The following CALM2 variants were observed in gnomAD, a reference collection of about 807,000 sequenced individuals.
CALM2 encodes calmodulin 2.
A neutral mutation model predicts 19.8 loss-of-function variants in CALM2; 2 were observed. The ratio of observed to expected loss-of-function variants is 0.10; its 90% confidence interval spans 0.04 to 0.32. CALM2 has a LOEUF of 0.32. Among genes scored for constraint, CALM2 ranks in the 10% least tolerant of loss-of-function variants. The pLI is 1.00. For synonymous variants in CALM2, 51 were observed against 52.1 expected, an observed-to-expected ratio of 0.98 and a Z score of 0.09; for missense variants, 38 against 178.7, an observed-to-expected ratio of 0.21 and a Z score of 4.49.
At chr2:47,160,847 G>GACCAAAAA in intron 5 of CALM2, 43 bp from the exon 6 acceptor site, 1 of 282,410 alleles carries the variant, frequency 3.5e-6, no homozygotes, top group Non-Finnish European at 5.1e-6. Context: ...AATAGCAAAA[G>GACCAAAAA]ACCAAAAAAA....
rs372947059 is a variant in CALM2, at chr2:47,161,720, T to C, written c.421+3A>G. The C allele has an allele frequency of 2.7e-5, 44 of 1,608,144 alleles. No individual in the cohort carries two copies. Among genetic ancestry groups the C allele is most frequent in the Non-Finnish European group, 3.6e-5 (42 of 1,178,310 alleles). On this transcript the variant is annotated splice_donor_region_variant and intron_variant, in intron 5 of 5. Transcript: ENST00000272298. The stretch of plus-strand genomic sequence containing the variant: ...GAATGAGGCGTGAGACTGAAACATT[T>C]ACCTTCATAGTTTACTTGACCATCA...
chr2:47,168,641 A>G (rs1328604556), intron 2 of CALM2, among the ~76,000 whole-genome samples: 2 of 152,188 alleles, frequency 1.3e-5, no homozygotes, highest in Middle Eastern at 3.2e-3. Context: ...ACTGAAGCAG[A>G]ACAGCTTGAA....
chr2:47,167,915 C>T (rs1666540997), intron 2 of CALM2, among the ~76,000 whole-genome samples: 1 of 148,016 alleles, frequency 6.8e-6, no homozygotes, highest in South Asian at 2.1e-4. Context: ...ATTAGACATG[C>T]GCCACCATGC....
At chr2:47,172,724 G>A (rs890914200) in intron 1 of CALM2, 1 of 254,454 alleles carries the variant, frequency 3.9e-6, no homozygotes, top group Non-Finnish European at 7.7e-6. Flanking sequence ...TAAATGTGTG[G>A]CAGACACTGC....
chr2:47,176,925 G>C (rs975807291), upstream of CALM2: 16 of 985,336 alleles, frequency 1.6e-5, no homozygotes, highest in African/African-American at 2.6e-4. Context: ...GGGCCGCGCT[G>C]TCCTGGCAAC....
At chr2:47,165,911 A>C (rs1666455151) in intron 2 of CALM2, among the ~76,000 whole-genome samples, 1 of 152,128 alleles carries the variant, frequency 6.6e-6, no homozygotes, top group Admixed American at 6.5e-5. Context: ...ATACTGCCTG[A>C]TTTTTCCTCC....
At chr2:47,165,708 C>T (rs1264986186) in intron 2 of CALM2, among the ~76,000 whole-genome samples, 2 of 152,106 alleles carry the variant, frequency 1.3e-5, no homozygotes, top group African/African-American at 4.8e-5. Context: ...TTTAGTCTAC[C>T]CATCTCGCTC....
chr2:47,168,997 TG>T (rs1558698684), intron 2 of CALM2, among the ~76,000 whole-genome samples: 2 of 152,004 alleles, frequency 1.3e-5, no homozygotes, highest in African/African-American at 4.8e-5. Context: ...AGGCTGGTCA[TG>T]AACTCCTGAC....
intron 5 of CALM2, 70 bp downstream of exon 5, chr2:47,161,653 G>T: frequency 6.9e-7 from 1 of 1,450,848 alleles, no homozygotes; most frequent in Non-Finnish European, 9.4e-7. Flanking sequence ...ATTTCGATCA[G>T]TTCCCTAACA....
At chr2:47,175,268 T>A (rs1666815480) in intron 1 of CALM2, among the ~76,000 whole-genome samples, 4 of 152,006 alleles carry the variant, frequency 2.6e-5, no homozygotes. Context: ...TTAGGGGTCG[T>A]TTTCAAAGCA....
chr2:47,162,770 T>A, intron 2 of CALM2, 108 bp from the exon 3 acceptor site: 1 of 929,336 alleles, frequency 1.1e-6, no homozygotes. Context: ...ATCGTGCCAG[T>A]GAACAGCCAC....
At chr2:47,176,033 G>A (rs1303060444) in intron 1 of CALM2, among the ~76,000 whole-genome samples, 2 of 152,116 alleles carry the variant, frequency 1.3e-5, no homozygotes, top group South Asian at 2.1e-4. Flanking sequence ...CGCACTAACC[G>A]TCGGTCGGGT....
At chr2:47,168,041 G>T (rs1666545454) in intron 2 of CALM2, among the ~76,000 whole-genome samples, 3 of 151,972 alleles carry the variant, frequency 2.0e-5, no homozygotes, top group Admixed American at 6.6e-5. Flanking sequence ...AGAAATCTTA[G>T]GATAGTAGTG....
intron 2 of CALM2, chr2:47,163,141 G>A (rs1406969967): frequency 1.9e-5 from 3 of 155,418 alleles, no homozygotes; most frequent in African/African-American, 4.8e-5. Flanking sequence ...TATTTCTACA[G>A]AGTAATTAAA....
chr2:47,162,367 T>C lies in CALM2; in HGVS notation c.204A>G (p.Glu68=). 6.2e-7 allele frequency: 1 copy of C among 1,611,986 alleles called. No individual in the cohort carries two copies. The highest frequency in any genetic ancestry group is 8.5e-7 in the Non-Finnish European group (1 of 1,179,192). Residue 68 remains glutamate, a synonymous_variant, in exon 4 of 6, where the codon GAA becomes GAG. Coordinates refer to ENST00000272298, the MANE Select transcript of CALM2 (RefSeq NM_001743.6). ...ADGNGTIDFP[E]FLTMMARKMK... ...TTTTTCTTGCCATCATTGTCAGAAA[T>C]TCAGGGAAGTCAATTGTGCCATTAC...
intron 1 of CALM2, chr2:47,173,739 C>T (rs555583985): frequency 6.6e-6 from 1 of 152,180 alleles, no homozygotes; most frequent in Non-Finnish European, 1.5e-5. Context: ...TGTTCATTCC[C>T]ATCAGGTGCT....
At position 47,160,818 on chromosome 2, in the gene CALM2, A is replaced by G; in HGVS notation, c.422-14T>C. ...TTTGTACAAACTCTGAAAAAGAAGA[A>G]GTACACAAAAAATGAGTCAATAGCA... On this transcript the variant is annotated splice_polypyrimidine_tract_variant and intron_variant, in intron 5 of 5. Transcript: ENST00000272298. The G allele has an allele frequency of 6.9e-7, 1 of 1,450,734 alleles. No individual in the cohort carries two copies. The highest frequency in any genetic ancestry group is 9.3e-7 in the Non-Finnish European group (1 of 1,070,008). 89.9% of individuals were successfully genotyped at this position (1,450,734 alleles called of 1,614,324 possible).
rs369246854 is a variant in CALM2, at chr2:47,161,106, T to C, written c.422-302A>G. 5.3e-5 allele frequency among the ~76,000 whole-genome samples: 8 copies of C among 152,210 alleles called. No homozygotes were observed. In the East Asian group the frequency reaches 5.8e-4, roughly 11 times the overall value. On this transcript the variant is annotated intron_variant, in intron 5 of 5. Transcript: ENST00000272298. Reference sequence around the variant, plus strand: ...AAGTCTGCTGGATTACAAGACAATATTGTAAATTCAATGCTATGGGCTAGG... The same window carrying C: ...AAGTCTGCTGGATTACAAGACAATACTGTAAATTCAATGCTATGGGCTAGG...
At chr2:47,164,253 G>A (rs56029070) in intron 2 of CALM2, among the ~76,000 whole-genome samples, 108,735 of 124,630 alleles carry the variant, frequency 0.87, 47,500 homozygotes, top group Middle Eastern at 0.94. Context: ...AAAAAAAAAA[G>A]AAGAAAAAGA....
Sources: gnomAD v4.1 joint callset for allele counts (sites outside exome capture counted in the v4.1 genomes callset) on GRCh38, gnomAD v4.1.1 for gene constraint, MANE v1.5 for transcripts, NCBI Gene and HGNC (gene_info 2026-07-23, HGNC 2026-07-21) for gene names.